Variants in DPP8 observed in about 807,000 individuals in gnomAD.
DPP8 encodes the protein dipeptidyl peptidase 8.
Under a neutral mutation model 107.5 loss-of-function variants are expected in DPP8, and 31 were observed. That is an observed-to-expected ratio of 0.29 (90% CI 0.22 to 0.39). DPP8 has a LOEUF of 0.39. DPP8 is among the 10% of genes least tolerant of loss of function. The pLI is 1.00. For missense variants in DPP8, 842 were observed against 1,076.1 expected (o/e 0.78, Z 3.04); for synonymous variants, 381 against 356.6 (o/e 1.07, Z -0.77).
intron 5 of DPP8, among the ~76,000 whole-genome samples, chr15:65,490,880 C>T (rs1446969463): frequency 6.6e-6 from 1 of 152,042 alleles, no homozygotes; most frequent in African/African-American, 2.4e-5. Flanking sequence ...GATTTTGAGG[C>T]CAGGCGTGGT....
At chr15:65,510,769 C>A (rs1237665317) in intron 2 of DPP8, among the ~76,000 whole-genome samples, 2 of 152,180 alleles carry the variant, frequency 1.3e-5, no homozygotes, top group Non-Finnish European at 2.9e-5. Flanking sequence ...AAACTCCTGA[C>A]CTCAAGTGAT....
rs113555293 is a variant in DPP8, at chr15:65,508,863, A to G, written c.260-1508T>C. ...GCAAAACTCCATCTCAAAAAAAAAAAGGGGTATTGCTTCCAAAAAGCTGGA... is the reference window on the plus strand; with the variant it reads ...GCAAAACTCCATCTCAAAAAAAAAAGGGGGTATTGCTTCCAAAAAGCTGGA... On this transcript the variant is annotated intron_variant, in intron 2 of 19. Transcript: ENST00000300141. 4.7e-3 allele frequency among the ~76,000 whole-genome samples: 716 copies of G among 152,122 alleles called. 3 individuals carry two copies. The highest frequency in any genetic ancestry group is 0.016 in the African/African-American group (667 of 41,526).
In DPP8 at chr15:65,505,389, G is replaced by T. The variant is rs113189072; in HGVS notation, c.372+1854C>A. Among the ~76,000 whole-genome samples, 361 of 152,048 alleles carry T rather than the reference G, an allele frequency of 2.4e-3. 4 individuals carry two copies. Among genetic ancestry groups the T allele is most frequent in the African/African-American group, 8.2e-3 (341 of 41,496 alleles). On this transcript the variant is annotated intron_variant, in intron 3 of 19. Transcript: ENST00000300141. ...AAAAATAGTCTGAGCAGTAGGCTGT[G>T]GGGGGTTGTGAGGGGAAGTTAGTAG...
rs144742037 is a variant in DPP8 at position 65,499,049 on chromosome 15, T to C, written c.547-1017A>G. 2.9e-3 allele frequency among the ~76,000 whole-genome samples: 419 copies of C among 144,530 alleles called. 4 individuals carry two copies. Among genetic ancestry groups the C allele is most frequent in the African/African-American group, 0.011 (408 of 37,140 alleles). The allele number at this position is 144,530 out of a possible 152,430, so 94.8% of individuals were successfully genotyped here. A position where few individuals can be genotyped will look rare whatever the true frequency, so the allele number is the denominator to read the frequency against. On this transcript the variant is annotated intron_variant, in intron 4 of 19. Coordinates refer to ENST00000300141, the MANE Select transcript of DPP8 (RefSeq NM_130434.5). ...CTCCAGCCTGGATGACAGCAAGACT[T>C]TGTCTCCCCCCCAAAAAAAAAGTGT...
chr15:65,485,469 G>A (rs999027873), intron 7 of DPP8, among the ~76,000 whole-genome samples: 1 of 149,366 alleles, frequency 6.7e-6, no homozygotes, highest in African/African-American at 2.5e-5. Context: ...ACTTGAACCT[G>A]GGAGGTGGAG....
At chr15:65,497,774 A>G in intron 5 of DPP8, 90 bp downstream of exon 5, 1 of 1,017,050 alleles carries the variant, frequency 9.8e-7, no homozygotes, top group East Asian at 2.6e-5. Flanking sequence ...AAGATCACCC[A>G]ACGTGGTAAT....
intron 12 of DPP8, among the ~76,000 whole-genome samples, chr15:65,468,700 G>C (rs1238814212): frequency 6.6e-6 from 1 of 152,056 alleles, no homozygotes; most frequent in African/African-American, 2.4e-5. Context: ...CAAATGATAG[G>C]AAACAAATAT....
intron 5 of DPP8, among the ~76,000 whole-genome samples, chr15:65,491,881 C>T (rs1377914310): frequency 6.6e-6 from 1 of 152,058 alleles, no homozygotes; most frequent in Non-Finnish European, 1.5e-5. Flanking sequence ...TACAGGTGCC[C>T]GCCACGATGC....
At chr15:65,472,581 G>C (rs984663406) in intron 12 of DPP8, among the ~76,000 whole-genome samples, 1 of 152,112 alleles carries the variant, frequency 6.6e-6, no homozygotes, top group Non-Finnish European at 1.5e-5. Context: ...TTACAGATGT[G>C]AGCCACTGTG....
intron 10 of DPP8, among the ~76,000 whole-genome samples, chr15:65,479,700 C>T (rs1446550005): frequency 6.6e-6 from 1 of 151,238 alleles, no homozygotes; most frequent in Non-Finnish European, 1.5e-5. Flanking sequence ...AAAAATTAGC[C>T]GGGCGCGGTG....
At chr15:65,480,648 G>A (rs543106868) in intron 9 of DPP8, among the ~76,000 whole-genome samples, 31 of 152,222 alleles carry the variant, frequency 2.0e-4, no homozygotes, top group African/African-American at 6.5e-4. Context: ...GTTTTATCCC[G>A]GTAGGCTGGC....
At chr15:65,488,773 G>A (rs918482816) in intron 6 of DPP8, among the ~76,000 whole-genome samples, 3 of 152,046 alleles carry the variant, frequency 2.0e-5, no homozygotes, top group Non-Finnish European at 4.4e-5. Context: ...ACTGGATCAT[G>A]GTCAAAAAGT....
At chr15:65,477,383 G>T (rs113104443) in intron 11 of DPP8, among the ~76,000 whole-genome samples, 213 of 150,214 alleles carry the variant, frequency 1.4e-3, no homozygotes, top group African/African-American at 5.2e-3. Context: ...TGACAAGAGC[G>T]AGACTCCGTC....
intron 1 of DPP8, chr15:65,515,913 AATATATAATGC>A: frequency 1.9e-6 from 1 of 539,906 alleles, no homozygotes; most frequent in Non-Finnish European, 3.3e-6. Flanking sequence ...TTTTTGGGGC[AATATATAATGC>A]CTACATTATT....
At chr15:65,475,985 C>CA (rs1317210924) in intron 11 of DPP8, among the ~76,000 whole-genome samples, 1 of 152,182 alleles carries the variant, frequency 6.6e-6, no homozygotes, top group Non-Finnish European at 1.5e-5. Context: ...CTCCTGGACT[C>CA]AAACAATCTG....
intron 15 of DPP8, among the ~76,000 whole-genome samples, chr15:65,460,272 T>C (rs1182359144): frequency 6.6e-6 from 1 of 151,814 alleles, no homozygotes; most frequent in Non-Finnish European, 1.5e-5. Context: ...TGAAACCCTG[T>C]CTCTACTAAA....
intron 12 of DPP8, among the ~76,000 whole-genome samples, chr15:65,473,577 GA>G (rs2066112771): frequency 6.6e-6 from 1 of 152,064 alleles, no homozygotes; most frequent in African/African-American, 2.4e-5. Context: ...GCTGAAGTGG[GA>G]GGATCGTCTG....
At chr15:65,475,361 T>A (rs2066286749) in intron 11 of DPP8, 8 of 1,376,362 alleles carry the variant, frequency 5.8e-6, no homozygotes, top group Non-Finnish European at 2.0e-6. Context: ...AGTGTGGGCT[T>A]TGGAGGAACA....
chr15:65,513,458 C>T (rs931238990), intron 1 of DPP8, among the ~76,000 whole-genome samples: 11 of 152,104 alleles, frequency 7.2e-5, no homozygotes, highest in African/African-American at 9.7e-5. Context: ...GTGATCCACC[C>T]GCCTCGGCCT....
Sources: allele counts gnomAD v4.1 joint callset (sites outside exome capture counted in the v4.1 genomes callset), GRCh38; gene constraint gnomAD v4.1.1; transcripts MANE v1.5; gene names NCBI Gene and HGNC (gene_info 2026-07-23, HGNC 2026-07-21).